The following KCNH2 variants were observed in gnomAD, a reference collection of about 807,000 sequenced individuals.
KCNH2 encodes the protein voltage-gated inwardly rectifying potassium channel KCNH2.
A neutral mutation model predicts 95.9 loss-of-function variants in KCNH2; 35 were observed. The observed-to-expected ratio is 0.37, with a 90% CI of 0.28 to 0.48. The LOEUF (loss-of-function observed/expected upper bound fraction) is 0.48. Ranked by LOEUF, KCNH2 falls within the 20% of genes least tolerant of loss-of-function variation. The pLI is 0.99. For missense variants in KCNH2, 1,274 were observed against 1,702.9 expected, an observed-to-expected ratio of 0.75 and a Z score of 4.43; for synonymous variants, 786 against 754.7, an observed-to-expected ratio of 1.04 and a Z score of -0.68.
intron 2 of KCNH2, among the ~76,000 whole-genome samples, chr7:150,971,702 G>A (rs535514851): frequency 6.6e-6 from 1 of 151,974 alleles, no homozygotes; most frequent in South Asian, 2.1e-4. Flanking sequence ...GGGACAGAGA[G>A]TAAGCCAGGC....
At chr7:150,960,803 GC>G (rs1476460401) in intron 2 of KCNH2, among the ~76,000 whole-genome samples, 2 of 152,012 alleles carry the variant, frequency 1.3e-5, no homozygotes, top group Non-Finnish European at 2.9e-5. Context: ...AGTCCCCTAA[GC>G]CAAGCACCCC....
At chr7:150,958,830 A>G (rs1801474604) in intron 3 of KCNH2, among the ~76,000 whole-genome samples, 2 of 152,242 alleles carry the variant, frequency 1.3e-5, no homozygotes, top group Non-Finnish European at 2.9e-5. Context: ...TCTGGAGGTC[A>G]CACAGCCAGT....
intron 2 of KCNH2, among the ~76,000 whole-genome samples, chr7:150,971,527 G>A (rs1328129084): frequency 6.6e-6 from 1 of 152,096 alleles, no homozygotes; most frequent in Non-Finnish European, 1.5e-5. Flanking sequence ...ATGGAGCCAG[G>A]CCAGGCCAGT....
At chr7:150,974,538 A>C (rs933125699) in intron 2 of KCNH2, among the ~76,000 whole-genome samples, 173 bp downstream of exon 2, 11 of 152,096 alleles carry the variant, frequency 7.2e-5, no homozygotes, top group Admixed American at 7.2e-4. Flanking sequence ...CGCCTCCCAC[A>C]GGCACACCGC....
At chr7:150,953,609 C>T (rs751986251) in intron 5 of KCNH2, among the ~76,000 whole-genome samples, 5 of 152,238 alleles carry the variant, frequency 3.3e-5, no homozygotes, top group Non-Finnish European at 7.3e-5. Flanking sequence ...ACTCTGCCTC[C>T]TCCACAGTCA....
intron 2 of KCNH2, among the ~76,000 whole-genome samples, chr7:150,963,357 G>A (rs1330646113): frequency 2.0e-5 from 3 of 152,148 alleles, no homozygotes; most frequent in South Asian, 4.1e-4. Context: ...CCAGAGCCCC[G>A]GGGCGCTCAT....
intron 2 of KCNH2, among the ~76,000 whole-genome samples, chr7:150,964,856 C>G (rs1027958888): frequency 2.6e-5 from 4 of 152,170 alleles, no homozygotes; most frequent in Non-Finnish European, 2.9e-5. Flanking sequence ...TATATTTAGC[C>G]TGGTGGCGGC....
At position 150,951,554 on chromosome 7, in the gene KCNH2, C is replaced by G. The variant is rs146309583; in HGVS notation, c.1839G>C (p.Thr613=). ...GGCTGCTGAAGGTGAAGTAGAGCGC[C>G]GTCACATACTTGTCCTTGATGGAGG... The part of the protein sequence containing the change: ...GGPSIKDKYV[T]ALYFTFSSLT... Residue 613 remains threonine (T), a synonymous_variant, in exon 7 of 15, where the codon ACG becomes ACC. Coordinates refer to ENST00000262186, the MANE Select transcript of KCNH2 (RefSeq NM_000238.4). 2 of 1,614,030 alleles carry G rather than the reference C, an allele frequency of 1.2e-6. No homozygotes were observed. Among genetic ancestry groups the G allele is most frequent in the Non-Finnish European group, 1.7e-6 (2 of 1,180,024 alleles).
chr7:150,969,464 G>A (rs978427167), intron 2 of KCNH2, among the ~76,000 whole-genome samples: 2 of 45,550 alleles, frequency 4.4e-5, no homozygotes, highest in Non-Finnish European at 6.9e-5. Flanking sequence ...CACCTCTGAG[G>A]GTGAAGCTGG....
rs758947934 is a variant in KCNH2, at chr7:150,946,878, T to G, written c.3329A>C (p.Gln1110Pro). 6.3e-7 allele frequency: 1 copy of G among 1,594,966 alleles called. No individual in the cohort carries two copies. The highest frequency in any genetic ancestry group is 8.6e-7 in the Non-Finnish European group (1 of 1,168,026). The stretch of plus-strand genomic sequence containing the variant: ...CGAGGAAGCAGGGCTGGAGCTTACC[T>G]GAGAAAGCGAGTCCAAGGTGAGGGT... ...LPTLTLDSLS[Q>P]VSQFMACEEL... The change falls in exon 14 of 15, where the codon CAG (glutamine) becomes CCG (proline). Residue 1110 changes from glutamine to proline, a missense_variant and splice_region_variant. This residue lies in a region of KCNH2 where 457 missense variants were observed against 416.1 expected (regional missense o/e 1.10). Coordinates refer to ENST00000262186, the MANE Select transcript of KCNH2 (RefSeq NM_000238.4). This position sits in a 1 kb window ranked among gnomAD's most constrained non-coding sequence, Gnocchi z 6.5.
intron 9 of KCNH2, chr7:150,949,640 T>C (rs1801056852): frequency 1.8e-6 from 2 of 1,116,028 alleles, no homozygotes; most frequent in Non-Finnish European, 2.2e-6. Context: ...ATATCTGCCC[T>C]GAGGCACACA....
At chr7:150,948,257 G>A (rs1366426544) in intron 11 of KCNH2, among the ~76,000 whole-genome samples, 187 bp downstream of exon 11, 2 of 152,224 alleles carry the variant, frequency 1.3e-5, no homozygotes, top group Non-Finnish European at 2.9e-5. Flanking sequence ...CTTCCTGGAG[G>A]AGGTGACAGC....
Position 150,955,907 on chromosome 7 carries a change from C to T in KCNH2, c.1128+1384G>A. 10 of 939,638 alleles carry T rather than the reference C, an allele frequency of 1.1e-5. 1 individual carries two copies. Among genetic ancestry groups the T allele is most frequent in the Non-Finnish European group, 1.3e-5 (10 of 785,034 alleles). 58.2% of individuals were successfully genotyped at this position (939,638 alleles called of 1,614,324 possible). A position where few individuals can be genotyped will look rare whatever the true frequency, so the allele number is the denominator to read the frequency against. On this transcript the variant is annotated intron_variant, in intron 5 of 14. Transcript: ENST00000262186. Reference sequence around the variant, plus strand: ...CCGCCGGTGCCCAGCCAGCGGCCCCCTCCCCCGCAGCCCGCCCAGGCTCCT... The same window carrying T: ...CCGCCGGTGCCCAGCCAGCGGCCCCTTCCCCCGCAGCCCGCCCAGGCTCCT...
At chr7:150,971,044 G>A (rs1321587885) in intron 2 of KCNH2, among the ~76,000 whole-genome samples, 1 of 152,246 alleles carries the variant, frequency 6.6e-6, no homozygotes, top group East Asian at 1.9e-4. Flanking sequence ...CCATGAGGGA[G>A]AAGGTGAGGC....
At position 150,952,785 on chromosome 7, in the gene KCNH2, G is replaced by A; in HGVS notation, c.1197C>T (p.Thr399=). 1 of 1,614,148 alleles carries A rather than the reference G, an allele frequency of 6.2e-7. No individual in the cohort carries two copies. Among genetic ancestry groups the A allele is most frequent in the Non-Finnish European group, 8.5e-7 (1 of 1,180,026 alleles). The change falls in exon 6 of 15, where the codon ACC becomes ACT. Residue 399 remains threonine, a synonymous_variant. Transcript: ENST00000262186. The surrounding 1 kb of genome is among the most constrained non-coding windows in gnomAD (Gnocchi z 7.3). ...CCTTGAAGGGGCTGTAATGCAGGAT[G>A]GTCCAGCGGTGGATGCGCGGTGCCT... ...KLQAPRIHRW[T]ILHYSPFKAV... is the part of the protein sequence containing the mutation.
In KCNH2 at chr7:150,962,314, C is replaced by T. The variant is rs1801588137; in HGVS notation, c.308-2578G>A. On this transcript the variant is annotated intron_variant, in intron 2 of 14. Coordinates refer to ENST00000262186, the MANE Select transcript of KCNH2 (RefSeq NM_000238.4). This position sits in a 1 kb window ranked among gnomAD's most constrained non-coding sequence, Gnocchi z 5.7. The stretch of plus-strand genomic sequence containing the variant: ...CAGGGACCACAGCCAGCCAGGCCCT[C>T]GAACCTAAGTCCTCCACCAGGGAGC... 6.6e-6 allele frequency among the ~76,000 whole-genome samples: 1 copy of T among 152,180 alleles called. No individual in the cohort carries two copies. The highest frequency in any genetic ancestry group is 2.4e-5 in the African/African-American group (1 of 41,442).
In KCNH2 at chr7:150,947,588, G is replaced by A. The variant is rs751311800; in HGVS notation, c.2965+18C>T. On this transcript the variant is annotated intron_variant, in intron 12 of 14. Coordinates refer to ENST00000262186, the MANE Select transcript of KCNH2 (RefSeq NM_000238.4). The stretch of plus-strand genomic sequence containing the variant: ...TGCCACGCCCGGTCCTCCCTCGCCC[G>A]CCCGTCGCCCGGGATACCTGACAGG... 194 of 1,610,946 alleles carry A rather than the reference G, an allele frequency of 1.2e-4. No homozygotes were observed. The highest frequency in any genetic ancestry group is 1.3e-4 in the Non-Finnish European group (149 of 1,178,782).
Position 150,946,610 on chromosome 7 carries a change from G to T in KCNH2, c.3330+267C>A, listed in dbSNP as rs1207890759. On this transcript the variant is annotated intron_variant, in intron 14 of 14. Transcript: ENST00000262186. The surrounding 1 kb of genome is among the most constrained non-coding windows in gnomAD (Gnocchi z 6.5). ...CTGGCGGTGGAGGCTGTGGACACTA[G>T]GGGAGTGAAGCTGCGGGCCACTTAG... Among the ~76,000 whole-genome samples the T allele has an allele frequency of 6.6e-6, 1 of 152,178 alleles. No homozygotes were observed. Among genetic ancestry groups the T allele is most frequent in the East Asian group, 1.9e-4 (1 of 5,172 alleles).
intron 5 of KCNH2, chr7:150,955,679 G>A (rs960761729): frequency 1.1e-4 from 153 of 1,394,414 alleles, no homozygotes; most frequent in Middle Eastern, 2.6e-4. Context: ...CCAGGGCTGG[G>A]GTCACCCTGG....
Sources: gnomAD v4.1 joint callset for allele counts (sites outside exome capture counted in the v4.1 genomes callset) on GRCh38, gnomAD v4.1.1 for gene constraint, gnomAD v4.1.1 regional missense constraint, Gnocchi (gnomAD v3.1) non-coding constraint, MANE v1.5 for transcripts, NCBI Gene and HGNC (gene_info 2026-07-23, HGNC 2026-07-21) for gene names.